Variants in KPNA6 observed in about 807,000 individuals in gnomAD.
KPNA6 encodes the protein karyopherin subunit alpha 6, also known as importin subunit alpha-7.
In KPNA6, 9 loss-of-function variants were observed where a neutral mutation model predicts 72.0. The observed-to-expected ratio is 0.13, with a 90% confidence interval of 0.08 to 0.22. KPNA6 has a LOEUF of 0.22. KPNA6 is among the 10% of genes least tolerant of loss of function. The pLI is 1.00. For missense variants in KPNA6, 374 were observed against 655.7 expected (o/e 0.57, Z 4.69); for synonymous variants, 219 against 242.1 (o/e 0.90, Z 0.89).
chr1:32,136,679 G>A (rs573904410), intron 1 of KPNA6, among the ~76,000 whole-genome samples: 2 of 152,302 alleles, frequency 1.3e-5, no homozygotes, highest in South Asian at 4.1e-4. Flanking sequence ...GAGTATCAGA[G>A]GAGAGATCAG....
intron 1 of KPNA6, among the ~76,000 whole-genome samples, chr1:32,135,019 C>T (rs1188618462): frequency 2.0e-5 from 3 of 151,376 alleles, no homozygotes; most frequent in Non-Finnish European, 4.4e-5. Context: ...AATTTTCCTG[C>T]CTCAGCCTCC....
intron 1 of KPNA6, among the ~76,000 whole-genome samples, chr1:32,118,707 G>A (rs757365108): frequency 2.0e-5 from 3 of 151,848 alleles, no homozygotes; most frequent in South Asian, 2.1e-4. Context: ...CAGAAGGATC[G>A]TTTGAACCTA....
At chr1:32,120,380 G>A (rs1641410548) in intron 1 of KPNA6, among the ~76,000 whole-genome samples, 1 of 151,260 alleles carries the variant, frequency 6.6e-6, no homozygotes, top group South Asian at 2.1e-4. Context: ...AAGTAGCTGG[G>A]ATTACAGGCA....
intron 1 of KPNA6, among the ~76,000 whole-genome samples, chr1:32,119,032 A>ATTTTTTTTTTT (rs71006332): frequency 5.0e-5 from 2 of 40,278 alleles, no homozygotes; most frequent in East Asian, 1.1e-3. Context: ...ATATATATAT[A>ATTTTTTTTTTT]TTTTTTTTTT....
rs547263996 is a variant in KPNA6 at position 32,171,617 on chromosome 1, C to A, written c.*723C>A. 3 of 152,114 alleles carry A rather than the reference C, an allele frequency of 2.0e-5. No individual in the cohort carries two copies. Among genetic ancestry groups the A allele is most frequent in the Admixed American group, 6.6e-5 (1 of 15,252 alleles). The allele number at this position is 152,114 out of a possible 1,614,324, so 9.4% of individuals were successfully genotyped here. On this transcript the variant is annotated 3_prime_UTR_variant, in exon 14 of 14. Transcript: ENST00000373625. ...CCTCCCTCTGACTCTTTGCCCAGAC[C>A]TCTTTAGTTTGGGGGATCCTCCTCA...
At chr1:32,111,665 A>G (rs996569864) in intron 1 of KPNA6, among the ~76,000 whole-genome samples, 9 of 152,212 alleles carry the variant, frequency 5.9e-5, no homozygotes, top group Non-Finnish European at 1.3e-4. Context: ...CACTGGAGAC[A>G]CTAACACAGC....
chr1:32,162,280 G>A (rs754342780), intron 8 of KPNA6, 81 bp from the exon 9 acceptor site: 157 of 1,289,696 alleles, frequency 1.2e-4, no homozygotes, highest in Admixed American at 4.3e-4. Flanking sequence ...TTGTGGGGGC[G>A]GTGGTTGCAA....
rs543429037 is a variant in KPNA6 at position 32,112,183 on chromosome 1, C to A, written c.4+4049C>A. Among the ~76,000 whole-genome samples the A allele has an allele frequency of 1.7e-4, 26 of 152,240 alleles. 1 individual carries two copies. The East Asian group carries it at 2.7e-3, about 16-fold the overall frequency. On this transcript the variant is annotated intron_variant, in intron 1 of 13. Coordinates refer to ENST00000373625, the MANE Select transcript of KPNA6 (RefSeq NM_012316.5). ...CCAGCTTTTATTTTATTATTTTTTG[C>A]CAGTTTGTATTTTAACCCAGGTTGC... is the stretch of plus-strand genomic sequence containing the variant.
chr1:32,114,409 C>G (rs2124520318), intron 1 of KPNA6, among the ~76,000 whole-genome samples: 1 of 150,120 alleles, frequency 6.7e-6, no homozygotes, highest in South Asian at 2.1e-4. Flanking sequence ...CCACAGCACT[C>G]CAGCCTGGGC....
At chr1:32,131,866 G>A (rs1036130847) in intron 1 of KPNA6, among the ~76,000 whole-genome samples, 2 of 151,600 alleles carry the variant, frequency 1.3e-5, no homozygotes, top group Admixed American at 1.3e-4. Context: ...AATCCAGCCT[G>A]GTCTCCTGTG....
In KPNA6 at chr1:32,169,834, T is replaced by TC. The variant is rs758304088; in HGVS notation, c.1245-47dup. 7 of 1,542,722 alleles carry TC rather than the reference T, an allele frequency of 4.5e-6. No homozygotes were observed. The South Asian group carries it at 7.0e-5, about 15-fold the overall frequency. ...GAGTTCAGAGCACCTGCCCAGCACT[T>TC]CATGTGTCCTGTACTAGTTTAGCAC... On this transcript the variant is annotated intron_variant, in intron 12 of 13. Transcript: ENST00000373625.
chr1:32,112,455 G>A (rs1438588511), intron 1 of KPNA6, among the ~76,000 whole-genome samples: 1 of 152,056 alleles, frequency 6.6e-6, no homozygotes, highest in African/African-American at 2.4e-5. Flanking sequence ...TCTCTTAAGT[G>A]TGCAATAATA....
At chr1:32,167,141 C>A (rs748534680) in intron 11 of KPNA6, 28 bp from the exon 12 acceptor site, 1 of 1,608,858 alleles carries the variant, frequency 6.2e-7, no homozygotes, top group East Asian at 2.2e-5. Context: ...TTTCTCCTTC[C>A]ATCTGCCTCC....
intron 10 of KPNA6, among the ~76,000 whole-genome samples, chr1:32,165,227 A>T (rs1330730198): frequency 1.3e-5 from 2 of 151,704 alleles, no homozygotes; most frequent in Non-Finnish European, 2.9e-5. Context: ...TTTCTTTTTT[A>T]ATTTTTTTTA....
intron 1 of KPNA6, among the ~76,000 whole-genome samples, chr1:32,153,343 T>C (rs1259945756): frequency 1.3e-5 from 2 of 151,218 alleles, no homozygotes; most frequent in Non-Finnish European, 3.0e-5. Flanking sequence ...AGGCAGGCAG[T>C]TCACCTGAGG....
At position 32,116,355 on chromosome 1, in the gene KPNA6, A is replaced by C. The variant is rs187567139; in HGVS notation, c.4+8221A>C. On this transcript the variant is annotated intron_variant, in intron 1 of 13. Transcript: ENST00000373625. Reference sequence around the variant, plus strand: ...TGTGTTCACTGGACTAGTACTTTTCATTTCCTTCAAGATCTTTTCCTGGCC... The same window carrying C: ...TGTGTTCACTGGACTAGTACTTTTCCTTTCCTTCAAGATCTTTTCCTGGCC... Among the ~76,000 whole-genome samples the C allele has an allele frequency of 2.2e-3, 333 of 150,908 alleles. 4 individuals are homozygous for C. Among genetic ancestry groups the C allele is most frequent in the African/African-American group, 7.7e-3 (315 of 41,176 alleles).
At chr1:32,117,983 G>A (rs888691915) in intron 1 of KPNA6, among the ~76,000 whole-genome samples, 9 of 151,976 alleles carry the variant, frequency 5.9e-5, no homozygotes, top group African/African-American at 2.2e-4. Context: ...GAGTGCAGTG[G>A]CACAATCTCC....
At chr1:32,127,394 T>A (rs1641554308) in intron 1 of KPNA6, among the ~76,000 whole-genome samples, 1 of 152,206 alleles carries the variant, frequency 6.6e-6, no homozygotes, top group East Asian at 1.9e-4. Flanking sequence ...ACCCTGGGCC[T>A]TTCTCACATG....
At chr1:32,114,063 C>G (rs1641285513) in intron 1 of KPNA6, among the ~76,000 whole-genome samples, 2 of 152,022 alleles carry the variant, frequency 1.3e-5, no homozygotes, top group South Asian at 4.2e-4. Context: ...TTTATAAGAC[C>G]TGAAAGTTGA....
Sources: gnomAD v4.1 joint callset for allele counts (sites outside exome capture counted in the v4.1 genomes callset) on GRCh38, gnomAD v4.1.1 for gene constraint, MANE v1.5 for transcripts, NCBI Gene and HGNC (gene_info 2026-07-23, HGNC 2026-07-21) for gene names.